The following ROBO2 variants were observed in gnomAD, a reference collection of about 807,000 sequenced individuals.
ROBO2 encodes the protein roundabout homolog 2.
A neutral mutation model predicts 160.8 loss-of-function variants in ROBO2; 53 were observed. The ratio of observed to expected loss-of-function variants is 0.33; its 90% confidence interval spans 0.26 to 0.41. ROBO2 has a LOEUF of 0.41. Among genes scored for constraint, ROBO2 ranks in the 10% least tolerant of loss-of-function variants. ROBO2 has a pLI of 1.00. For synonymous variants in ROBO2, 664 were observed against 611.7 expected (o/e 1.09, Z -1.26); for missense variants, 1,577 against 1,722.4 (o/e 0.92, Z 1.49).
At chr3:77,275,245 G>A (rs2059753847) in intron 2 of ROBO2, among the ~76,000 whole-genome samples, 1 of 152,092 alleles carries the variant, frequency 6.6e-6, no homozygotes, top group African/African-American at 2.4e-5. Context: ...CTTTTAGACA[G>A]TTTTGAGGAG....
intron 7 of ROBO2, among the ~76,000 whole-genome samples, chr3:77,546,778 T>A (rs2092713868): frequency 6.6e-6 from 1 of 152,074 alleles, no homozygotes; most frequent in Non-Finnish European, 1.5e-5. Context: ...TAATTTTGTT[T>A]TCTTGTATTG....
intron 12 of ROBO2, among the ~76,000 whole-genome samples, chr3:77,567,899 T>A (rs1445310909): frequency 6.6e-6 from 1 of 152,010 alleles, no homozygotes; most frequent in Non-Finnish European, 1.5e-5. Flanking sequence ...AGTTTTTAGA[T>A]ATATCCCAAT....
chr3:77,252,814 A>AAAAAG (rs1322722990), intron 2 of ROBO2, among the ~76,000 whole-genome samples: 3 of 59,608 alleles, frequency 5.0e-5, no homozygotes, highest in African/African-American at 1.5e-4. Flanking sequence ...TCTCAAAAAA[A>AAAAAG]AAAAAAAAAA....
At chr3:76,780,188 GT>G (rs1031819863) in intron 2 of ROBO2, among the ~76,000 whole-genome samples, 13 of 145,656 alleles carry the variant, frequency 8.9e-5, no homozygotes, top group South Asian at 2.1e-4. Context: ...TGTGGAGACA[GT>G]TTTTTTTTTG....
intron 23 of ROBO2, chr3:77,630,851 A>C (rs1418349358): frequency 2.0e-5 from 3 of 151,842 alleles, no homozygotes; most frequent in Admixed American, 2.0e-4. Context: ...GAAATACAGA[A>C]AACAGCACAG....
At position 77,137,176 on chromosome 3, in the gene ROBO2, T is replaced by G. The variant is rs1340515552; in HGVS notation, c.388+38836T>G. ...ACTCTCCTTTAAAGTAACTTTAGTG[T>G]TGTTACTTCTTAGCTTTTCTCAAGA... is the stretch of plus-strand genomic sequence containing the variant. On this transcript the variant is annotated intron_variant, in intron 2 of 25. Coordinates refer to ENST00000461745, the Ensembl canonical transcript of ROBO2. Among the ~76,000 whole-genome samples, 6 of 152,204 alleles carry G rather than the reference T, an allele frequency of 3.9e-5. No individual in the cohort carries two copies. In the East Asian group the frequency reaches 1.2e-3, roughly 29 times the overall value.
At chr3:77,635,875 C>T (rs1045414505) in intron 24 of ROBO2, among the ~76,000 whole-genome samples, 1 of 152,110 alleles carries the variant, frequency 6.6e-6, no homozygotes, top group Non-Finnish European at 1.5e-5. Flanking sequence ...TGGTAGATTC[C>T]AAACAACATA....
chr3:76,200,790 C>A (rs1702486070), intron 2 of ROBO2, among the ~76,000 whole-genome samples: 1 of 152,124 alleles, frequency 6.6e-6, no homozygotes, highest in African/African-American at 2.4e-5. Flanking sequence ...CAGATACTGT[C>A]TTCACATTGT....
chr3:76,478,602 A>G (rs1290834909), intron 2 of ROBO2, among the ~76,000 whole-genome samples: 2 of 152,062 alleles, frequency 1.3e-5, no homozygotes, highest in African/African-American at 4.8e-5. Context: ...GTATAGATCC[A>G]GATATTAGTT....
chr3:77,214,264 T>A (rs2084606406), intron 2 of ROBO2, among the ~76,000 whole-genome samples: 1 of 152,220 alleles, frequency 6.6e-6, no homozygotes, highest in African/African-American at 2.4e-5. Context: ...TGGGTGCTCC[T>A]GTATTGGGTG....
chr3:77,041,363 GA>G (rs2064072394), intron 1 of ROBO2, among the ~76,000 whole-genome samples: 1 of 152,184 alleles, frequency 6.6e-6, no homozygotes, highest in Non-Finnish European at 1.5e-5. Flanking sequence ...GAAGAATTTA[GA>G]TCCTAGGGAG....
At chr3:76,514,981 T>G (rs896806027) in intron 2 of ROBO2, among the ~76,000 whole-genome samples, 6 of 152,154 alleles carry the variant, frequency 3.9e-5, no homozygotes, top group South Asian at 2.1e-4. Flanking sequence ...TTATAGAAAA[T>G]AATAGGAATA....
intron 2 of ROBO2, among the ~76,000 whole-genome samples, chr3:76,687,245 T>G (rs1321620344): frequency 6.6e-6 from 1 of 152,058 alleles, no homozygotes. Context: ...TGGGGTCAAA[T>G]TCCTACTGGC....
exon 6 of ROBO2, chr3:77,522,895 C>T (rs756562291): frequency 1.6e-5 from 25 of 1,608,854 alleles, no homozygotes; most frequent in Admixed American, 8.4e-5. Flanking sequence ...CTACACTCAC[C>T]GTCCGAGGTA....
At chr3:76,981,459 T>G (rs2060092780) in intron 2 of ROBO2, among the ~76,000 whole-genome samples, 1 of 152,238 alleles carries the variant, frequency 6.6e-6, no homozygotes, top group African/African-American at 2.4e-5. Context: ...TCTATGTGTT[T>G]ATTGTTCATA....
intron 8 of ROBO2, among the ~76,000 whole-genome samples, chr3:77,555,292 T>C (rs1310598075): frequency 6.6e-6 from 1 of 152,008 alleles, no homozygotes; most frequent in African/African-American, 2.4e-5. Context: ...GCTTTATTGT[T>C]GTGGTCTAGA....
At chr3:76,656,211 T>C (rs1207886819) in intron 2 of ROBO2, among the ~76,000 whole-genome samples, 1 of 152,178 alleles carries the variant, frequency 6.6e-6, no homozygotes, top group Non-Finnish European at 1.5e-5. Context: ...AAATGACTGA[T>C]GGTAGCCAAA....
intron 2 of ROBO2, among the ~76,000 whole-genome samples, chr3:76,101,971 G>A (rs984483525): frequency 6.3e-5 from 9 of 141,734 alleles, no homozygotes; most frequent in Admixed American, 4.9e-4. Context: ...ATTATACCCC[G>A]GGGTGTGATG....
At chr3:77,059,887 C>G (rs1438133272) in intron 1 of ROBO2, among the ~76,000 whole-genome samples, 1 of 151,918 alleles carries the variant, frequency 6.6e-6, no homozygotes, top group Non-Finnish European at 1.5e-5. Flanking sequence ...TCTGGCATAC[C>G]CTTGATGGCT....
Sources: gnomAD v4.1 joint callset for allele counts (sites outside exome capture counted in the v4.1 genomes callset) on GRCh38, gnomAD v4.1.1 for gene constraint, MANE v1.5 for transcripts, NCBI Gene and HGNC (gene_info 2026-07-23, HGNC 2026-07-21) for gene names.